WWOX: variants seen among roughly 807,000 people sequenced by gnomAD.
WWOX encodes the protein WW domain containing oxidoreductase, also known as WW domain-containing oxidoreductase.
In WWOX, 69 loss-of-function variants were observed where a neutral mutation model predicts 46.2. The ratio of observed to expected loss-of-function variants is 1.49; its 90% confidence interval spans 1.23 to 1.82. WWOX has a LOEUF of 1.82. Ranked by LOEUF, WWOX falls within the 40% of genes most tolerant of loss-of-function variation. The pLI is 0.00. For synonymous variants in WWOX, 359 were observed against 202.6 expected, an observed-to-expected ratio of 1.77 and a Z score of -6.56; for missense variants, 919 against 542.6, an observed-to-expected ratio of 1.69 and a Z score of -6.89.
chr16:78,506,728 T>TTTTTTTTTTTTTG (rs1330915138), intron 8 of WWOX, among the ~76,000 whole-genome samples: 3 of 93,630 alleles, frequency 3.2e-5, no homozygotes, highest in Admixed American at 1.2e-4. Flanking sequence ...TTTTTTTTTT[T>TTTTTTTTTTTTTG]GTACAGAGTC....
intron 1 of WWOX, among the ~76,000 whole-genome samples, chr16:78,101,074 G>A (rs905060341): frequency 2.0e-5 from 3 of 151,510 alleles, no homozygotes; most frequent in Admixed American, 6.6e-5. Flanking sequence ...TTGAGACGGA[G>A]TCTTGCTCTG....
chr16:78,466,740 T>C (rs112902803), intron 8 of WWOX, among the ~76,000 whole-genome samples: 3,944 of 152,064 alleles, frequency 0.026, 191 homozygotes, highest in African/African-American at 0.092. Context: ...CCCAGCTACT[T>C]AGGAGGCTGA....
chr16:78,770,484 A>C (rs1477819538), intron 8 of WWOX, among the ~76,000 whole-genome samples: 1 of 152,172 alleles, frequency 6.6e-6, no homozygotes, highest in Non-Finnish European at 1.5e-5. Flanking sequence ...TGGGATCTGG[A>C]CTGGGCCATG....
intron 8 of WWOX, among the ~76,000 whole-genome samples, chr16:79,032,439 A>G (rs12445245): frequency 0.16 from 22,875 of 146,906 alleles, 2,077 homozygotes; most frequent in African/African-American, 0.25. Context: ...GAGTGTATAT[A>G]TTATATATGG....
rs1385313072 is a variant in WWOX at position 78,524,006 on chromosome 16, A to T, written c.1056+91254A>T. The stretch of plus-strand genomic sequence containing the variant: ...TATACAAATACACAATTCACTTAGG[A>T]CTCTGTTTCGTGTGGATCACATGGG... On this transcript the variant is annotated intron_variant, in intron 8 of 8. Transcript: ENST00000566780. 5.9e-5 allele frequency among the ~76,000 whole-genome samples: 9 copies of T among 152,140 alleles called. No homozygotes were observed. In the South Asian group the frequency reaches 1.9e-3, roughly 32 times the overall value.
intron 5 of WWOX, among the ~76,000 whole-genome samples, chr16:78,285,920 G>C (rs1210588442): frequency 6.6e-6 from 1 of 152,114 alleles, no homozygotes; most frequent in Non-Finnish European, 1.5e-5. Context: ...TACTTCACCA[G>C]TTTTAAGGCT....
intron 8 of WWOX, among the ~76,000 whole-genome samples, chr16:78,695,880 A>C (rs2048087895): frequency 6.6e-6 from 1 of 152,214 alleles, no homozygotes; most frequent in Non-Finnish European, 1.5e-5. Context: ...AAGGGGCTGC[A>C]CTGAATTAGA....
intron 8 of WWOX, among the ~76,000 whole-genome samples, chr16:79,013,923 C>T (rs1305813378): frequency 6.6e-6 from 1 of 152,140 alleles, no homozygotes; most frequent in East Asian, 1.9e-4. Flanking sequence ...ACAAGAACAC[C>T]AGAAACACCT....
intron 8 of WWOX, 85 bp downstream of exon 8, chr16:78,432,837 G>T (rs1212190844): frequency 6.3e-7 from 1 of 1,594,924 alleles, no homozygotes; most frequent in Non-Finnish European, 8.6e-7. Flanking sequence ...TACCTCTTGC[G>T]GGCATGAGTC....
intron 7 of WWOX, among the ~76,000 whole-genome samples, chr16:78,429,594 C>T (rs554916824): frequency 1.2e-4 from 19 of 152,220 alleles, no homozygotes; most frequent in Non-Finnish European, 2.6e-4. Context: ...TTCAGATACT[C>T]TCTAAATCCT....
intron 5 of WWOX, among the ~76,000 whole-genome samples, chr16:78,345,102 T>A (rs1338196721): frequency 8.4e-6 from 1 of 118,828 alleles, no homozygotes; most frequent in Non-Finnish European, 2.0e-5. Context: ...TCTCATAAAG[T>A]TGACTATGGC....
At chr16:78,936,208 GTTTAATGGTTGAC>G (rs1018445480) in intron 8 of WWOX, among the ~76,000 whole-genome samples, 1 of 152,128 alleles carries the variant, frequency 6.6e-6, no homozygotes, top group Non-Finnish European at 1.5e-5. Context: ...AAGGCAGTGA[GTTTAATGGTTGAC>G]TTTTGGTATT....
rs377581272 is a variant in WWOX, at chr16:78,774,569, T to TC, written c.1056+341825dup. ...ACGCATGAGCCTGTACGTGTCCCCCTCCCCCCCCACACATATGCACATAAG... is the reference window on the plus strand; with the variant it reads ...ACGCATGAGCCTGTACGTGTCCCCCTCCCCCCCCCACACATATGCACATAAG... On this transcript the variant is annotated intron_variant, in intron 8 of 8. Transcript: ENST00000566780. 6.6e-3 allele frequency among the ~76,000 whole-genome samples: 984 copies of TC among 148,656 alleles called. 8 individuals are homozygous for TC. Among genetic ancestry groups the TC allele is most frequent in the South Asian group, 0.02 (92 of 4,580 alleles).
intron 8 of WWOX, among the ~76,000 whole-genome samples, chr16:79,184,276 C>T (rs1567604091): frequency 6.6e-6 from 1 of 152,146 alleles, no homozygotes; most frequent in Non-Finnish European, 1.5e-5. Context: ...ACAGAAGAGT[C>T]CAATTTTCTT....
chr16:78,413,749 C>T (rs1041126001), intron 6 of WWOX, among the ~76,000 whole-genome samples: 3 of 151,840 alleles, frequency 2.0e-5, no homozygotes, highest in Non-Finnish European at 2.9e-5. Context: ...TCAAAGGTGC[C>T]CTCCTGTGCT....
intron 8 of WWOX, among the ~76,000 whole-genome samples, chr16:78,687,644 C>T (rs920289175): frequency 6.6e-6 from 1 of 152,134 alleles, no homozygotes; most frequent in African/African-American, 2.4e-5. Context: ...CTCAGGAACC[C>T]TTGGTTAGCA....
intron 5 of WWOX, among the ~76,000 whole-genome samples, chr16:78,213,018 G>C (rs1597358859): frequency 6.6e-6 from 1 of 152,106 alleles, no homozygotes; most frequent in East Asian, 1.9e-4. Flanking sequence ...CAGCAACTTG[G>C]GAGGTGGGCG....
At chr16:78,775,268 T>C (rs546309020) in intron 8 of WWOX, among the ~76,000 whole-genome samples, 18 of 152,298 alleles carry the variant, frequency 1.2e-4, no homozygotes, top group African/African-American at 3.8e-4. Flanking sequence ...AAAAATATCT[T>C]GTGGGTTTGA....
chr16:78,145,985 A>T (rs755968159), intron 4 of WWOX: 1 of 152,028 alleles, frequency 6.6e-6, no homozygotes, highest in Non-Finnish European at 1.5e-5. Flanking sequence ...TTTCATGTTG[A>T]TTTTATCTCC....
Sources: gnomAD v4.1 joint callset for allele counts (sites outside exome capture counted in the v4.1 genomes callset) on GRCh38, gnomAD v4.1.1 for gene constraint, MANE v1.5 for transcripts, NCBI Gene and HGNC (gene_info 2026-07-23, HGNC 2026-07-21) for gene names.